NAP1L1: variants seen among roughly 807,000 people sequenced by gnomAD.
NAP1L1 encodes nucleosome assembly protein 1 like 1.
NAP1L1 carries 9 observed loss-of-function variants against 58.9 expected under a neutral mutation model. The ratio of observed to expected loss-of-function variants is 0.15; its 90% CI spans 0.09 to 0.27. The LOEUF (loss-of-function observed/expected upper bound fraction) is 0.27. Ranked by LOEUF, NAP1L1 falls within the 10% of genes least tolerant of loss-of-function variation. The probability of loss-of-function intolerance (pLI) is 1.00; values close to 1 mark genes in which losing one functional copy is unlikely to be tolerated. For synonymous variants in NAP1L1, 130 were observed against 138.3 expected (o/e 0.94, Z 0.42); for missense variants, 302 against 458.8 (o/e 0.66, Z 3.12).
rs1264657913 is a variant in NAP1L1 at position 76,056,112 on chromosome 12, T to G, written c.479A>C (p.Glu160Ala). 6.2e-7 allele frequency: 1 copy of G among 1,612,978 alleles called. No individual in the cohort carries two copies. The highest frequency in any genetic ancestry group is 1.7e-5 in the Admixed American group (1 of 59,904). ...AKIEDEKKDEEKEDPKGIPEF... is the reference protein window; with the variant it reads ...AKIEDEKKDEAKEDPKGIPEF... ...AGGAATTCCTTTGGGGTCTTCTTTT[T>G]CTTCATCTTTTTTCTCATCTTCAAT... Residue 160 changes from glutamate to alanine, a missense_variant, in exon 7 of 15, where the codon GAA becomes GCA. Transcript: ENST00000618691.
At position 76,059,807 on chromosome 12, in the gene NAP1L1, A is replaced by T; in HGVS notation, c.420T>A (p.Asp140Glu). The T allele has an allele frequency of 6.3e-7, 1 of 1,599,954 alleles. No individual in the cohort carries two copies. The highest frequency in any genetic ancestry group is 2.2e-5 in the East Asian group (1 of 44,692). The change falls in exon 6 of 15, where the codon GAT becomes GAA. Residue 140 changes from aspartate to glutamate, a missense_variant. By Grantham distance (45) the Asp-to-Glu change is conservative. Transcript: ENST00000618691. ...TAAAGTTGGTACTAACCGAAATCTC[A>T]TCTTCTTCATCTGGTTTCCATTCAC... ...EECEWKPDEE[D>E]EISEELKEKA...
Position 76,050,427 on chromosome 12 carries a change from AATTAT to A in NAP1L1, c.1059+99_1059+103del, listed in dbSNP as rs371236108. 3.1e-5 allele frequency: 42 copies of A among 1,374,996 alleles called. 1 individual carries two copies. In the African/African-American group the frequency reaches 3.8e-4, roughly 12 times the overall value. The allele number at this position is 1,374,996 out of a possible 1,614,324, so 85.2% of individuals were successfully genotyped here. ...AACATCAGTAATTAGCCTAATTTTG[AATTAT>A]ATTATGTCCTGCTTCTTAAAAACTA... On this transcript the variant is annotated intron_variant, in intron 12 of 14. Coordinates refer to ENST00000618691, the MANE Select transcript of NAP1L1 (RefSeq NM_004537.7).
rs1022475347 is a variant in NAP1L1, at chr12:76,040,147, G to GA, written c.*8281dup. The GA allele has an allele frequency of 6.6e-6, 1 of 152,120 alleles. No individual in the cohort carries two copies. The highest frequency in any genetic ancestry group is 2.4e-5 in the African/African-American group (1 of 41,420). The allele number at this position is 152,120 out of a possible 1,614,324, so 9.4% of individuals were successfully genotyped here. On this transcript the variant is annotated 3_prime_UTR_variant, in exon 15 of 15. Coordinates refer to ENST00000618691, the MANE Select transcript of NAP1L1 (RefSeq NM_004537.7). ...GGGAAAAGCATATGTTTTTCTCCCT[G>GA]AACAGGCATACAATATGTAATTTAA...
rs1291754082 is a variant in NAP1L1, at chr12:76,043,975, G to C, written c.*4454C>G. On this transcript the variant is annotated 3_prime_UTR_variant, in exon 15 of 15. Coordinates refer to ENST00000618691, the MANE Select transcript of NAP1L1 (RefSeq NM_004537.7). ...ACACATTCCTAGTTCCTTCTTTTTGGCTTTAAGTTTAAAACATGTAAGAAA... is the reference window on the plus strand; with the variant it reads ...ACACATTCCTAGTTCCTTCTTTTTGCCTTTAAGTTTAAAACATGTAAGAAA... 6.6e-6 allele frequency: 1 copy of C among 152,040 alleles called. No individual in the cohort carries two copies. Among genetic ancestry groups the C allele is most frequent in the Non-Finnish European group, 1.5e-5 (1 of 68,026 alleles). The allele number at this position is 152,040 out of a possible 1,614,324, so 9.4% of individuals were successfully genotyped here.
chr12:76,050,731 A>T (rs1948778422), intron 11 of NAP1L1, 78 bp from the exon 12 acceptor site: 1 of 1,449,634 alleles, frequency 6.9e-7, no homozygotes, highest in African/African-American at 1.4e-5. Context: ...AGACTCTTAG[A>T]GGCTGGGTGT....
At chr12:76,049,156 T>C (rs376205856) in intron 14 of NAP1L1, 44 bp downstream of exon 14, 21 of 1,542,614 alleles carry the variant, frequency 1.4e-5, no homozygotes, top group East Asian at 1.1e-4. Flanking sequence ...ACTCTTACTT[T>C]AGCTATCTTA....
In NAP1L1 at chr12:76,037,256, GCCTT is replaced by G. The variant is rs939654699; in HGVS notation, c.*11169_*11172del. The G allele has an allele frequency of 1.3e-5, 2 of 152,296 alleles. No homozygotes were observed. Among genetic ancestry groups the G allele is most frequent in the Admixed American group, 1.3e-4 (2 of 15,280 alleles). 9.4% of individuals were successfully genotyped at this position (152,296 alleles called of 1,614,324 possible). Reference sequence around the variant, plus strand: ...ACTTCTTAGGTGGGTGTCCAGAGCTGCCTTCCTTTTCGCCTTAGTAGTTGATGAA... The same window carrying G: ...ACTTCTTAGGTGGGTGTCCAGAGCTGCCTTTTCGCCTTAGTAGTTGATGAA... On this transcript the variant is annotated 3_prime_UTR_variant, in exon 15 of 15. Coordinates refer to ENST00000618691, the MANE Select transcript of NAP1L1 (RefSeq NM_004537.7).
chr12:76,060,643 A>G (rs1258805838), intron 4 of NAP1L1, among the ~76,000 whole-genome samples: 33 of 152,180 alleles, frequency 2.2e-4, no homozygotes, highest in Admixed American at 2.2e-3. Flanking sequence ...CATACAAGTT[A>G]TTAGGAAAAA....
Position 76,042,117 on chromosome 12 carries a change from C to T in NAP1L1, c.*6312G>A, listed in dbSNP as rs1948556974. ...GAGGCATATGTTTAATTTTATTATC[C>T]AGTCTTAGTCTCAGTGTTCTTATGT... On this transcript the variant is annotated 3_prime_UTR_variant, in exon 15 of 15. Transcript: ENST00000618691. 6.6e-6 allele frequency: 1 copy of T among 151,932 alleles called. No individual in the cohort carries two copies. The highest frequency in any genetic ancestry group is 2.1e-4 in the South Asian group (1 of 4,808). The allele number at this position is 151,932 out of a possible 1,614,324, so 9.4% of individuals were successfully genotyped here.
intron 6 of NAP1L1, chr12:76,057,047 T>C: frequency 5.4e-6 from 1 of 186,130 alleles, no homozygotes; most frequent in Non-Finnish European, 1.1e-5. Context: ...AAGCCCATAA[T>C]CCCAACAGTT....
chr12:76,048,529 T>C (rs1159736548), intron 14 of NAP1L1, 65 bp from the exon 15 acceptor site: 2 of 1,507,122 alleles, frequency 1.3e-6, no homozygotes, highest in East Asian at 2.3e-5. Context: ...TTCTCAATAG[T>C]AATTACTGCC....
intron 8 of NAP1L1, among the ~76,000 whole-genome samples, chr12:76,054,530 C>T (rs1734328690): frequency 6.6e-6 from 1 of 152,178 alleles, no homozygotes; most frequent in Admixed American, 6.5e-5. Flanking sequence ...TCCCTTACTC[C>T]CCAACTACTG....
At chr12:76,079,174 A>G (rs1169965042) in intron 1 of NAP1L1, among the ~76,000 whole-genome samples, 3 of 152,222 alleles carry the variant, frequency 2.0e-5, no homozygotes, top group Admixed American at 6.5e-5. Flanking sequence ...AGAATCCTCA[A>G]TATGTTGAAA....
chr12:76,061,404 G>GT (rs1297184391), intron 4 of NAP1L1, among the ~76,000 whole-genome samples: 1 of 152,158 alleles, frequency 6.6e-6, no homozygotes, highest in Non-Finnish European at 1.5e-5. Context: ...TCATGTGTTA[G>GT]TTTGTTAAGG....
rs1159333205 is a variant in NAP1L1 at position 76,045,434 on chromosome 12, A to G, written c.*2995T>C. ...AATAATGGGAATGGCCTACAATTACAATAAACAATTAATTCAGTTATTTTA... is the reference window on the plus strand; with the variant it reads ...AATAATGGGAATGGCCTACAATTACGATAAACAATTAATTCAGTTATTTTA... On this transcript the variant is annotated 3_prime_UTR_variant, in exon 15 of 15. Coordinates refer to ENST00000618691, the MANE Select transcript of NAP1L1 (RefSeq NM_004537.7). The G allele has an allele frequency of 6.6e-6, 1 of 152,084 alleles. No homozygotes were observed. The highest frequency in any genetic ancestry group is 1.5e-5 in the Non-Finnish European group (1 of 67,914). 9.4% of individuals were successfully genotyped at this position (152,084 alleles called of 1,614,324 possible).
At chr12:76,082,797 A>G (rs1950459040) in intron 1 of NAP1L1, among the ~76,000 whole-genome samples, 1 of 152,218 alleles carries the variant, frequency 6.6e-6, no homozygotes, top group Admixed American at 6.5e-5. Context: ...CCCTTATTCA[A>G]TCAAAGGTAA....
chr12:76,050,455 C>T (rs932881823), intron 12 of NAP1L1, 76 bp downstream of exon 12: 2 of 1,489,596 alleles, frequency 1.3e-6, no homozygotes, highest in African/African-American at 2.8e-5. Context: ...TTCTTAAAAA[C>T]TAAACTAATC....
At chr12:76,069,926 A>C (rs1330766846) in intron 2 of NAP1L1, among the ~76,000 whole-genome samples, 1 of 152,224 alleles carries the variant, frequency 6.6e-6, no homozygotes, top group African/African-American at 2.4e-5. Context: ...ACATCATTGT[A>C]TAATTCCTGT....
intron 8 of NAP1L1, among the ~76,000 whole-genome samples, chr12:76,054,135 T>C (rs1464140783): frequency 6.6e-6 from 1 of 152,224 alleles, no homozygotes; most frequent in Non-Finnish European, 1.5e-5. Flanking sequence ...ATTCAAGTGA[T>C]TCTGGTGCGC....
Sources: gnomAD v4.1 joint callset for allele counts (sites outside exome capture counted in the v4.1 genomes callset) on GRCh38, gnomAD v4.1.1 for gene constraint, MANE v1.5 for transcripts, NCBI Gene and HGNC (gene_info 2026-07-23, HGNC 2026-07-21) for gene names.